C2orf49: variants seen among roughly 807,000 people sequenced by gnomAD.
C2orf49 encodes the protein tRNA-splicing ligase complex subunit ASW.
C2orf49 carries 11 observed loss-of-function variants against 20.6 expected under a neutral mutation model. The ratio of observed to expected loss-of-function variants is 0.53; its 90% CI spans 0.34 to 0.88. The LOEUF (loss-of-function observed/expected upper bound fraction) is 0.88, where lower values mean the gene tolerates loss of function less well. Ranked by LOEUF, C2orf49 falls within the 40% of genes least tolerant of loss-of-function variation. C2orf49 has a pLI of 0.02. For missense variants in C2orf49, 289 were observed against 274.2 expected (o/e 1.05, Z -0.38); for synonymous variants, 134 against 108.5 (o/e 1.24, Z -1.46).
At chr2:105,361,182 AAT>A in the C2orf49 span, 2 of 1,216,252 alleles carry the variant, frequency 1.6e-6, no homozygotes, top group African/African-American at 3.0e-5. Flanking sequence ...AGAAAGTCTC[AAT>A]GTGGCTGGAA....
At chr2:105,363,182 A>T in the C2orf49 span, 1 of 1,065,050 alleles carries the variant, frequency 9.4e-7, no homozygotes, top group South Asian at 1.5e-5. Context: ...AGCCTTAGGG[A>T]GGTCTGGGGA....
At chr2:105,353,581 T>G (rs1194451186), downstream of C2orf49, among the ~76,000 whole-genome samples, 1 of 152,148 alleles carries the variant, frequency 6.6e-6, no homozygotes, top group African/African-American at 2.4e-5. Flanking sequence ...GAGTCAAGAT[T>G]TCTGATTTCT....
the C2orf49 span, among the ~76,000 whole-genome samples, chr2:105,371,277 C>T: frequency 6.6e-6 from 1 of 152,092 alleles, no homozygotes; most frequent in Admixed American, 6.5e-5. Context: ...GCTTCGAGTG[C>T]AGCACGTTAC....
At position 105,342,900 on chromosome 2, in the gene C2orf49, A is replaced by C; in HGVS notation, c.319A>C (p.Ser107Arg). The change falls in exon 3 of 4, where the codon AGT becomes CGT. Residue 107 changes from serine to arginine, a missense_variant. By Grantham distance (110) the Ser-to-Arg change is moderately radical. Transcript: ENST00000258457. ...AAGACCCCTCATCGTATTTGATGGA[A>C]GTTCAACAAGTACAAGCATAAAAGT... is the stretch of plus-strand genomic sequence containing the variant. Reference protein sequence around the residue: ...RKRPLIVFDGSSTSTSIKVKK... With the variant: ...RKRPLIVFDGRSTSTSIKVKK... 6.2e-7 allele frequency: 1 copy of C among 1,614,168 alleles called. No homozygotes were observed. Among genetic ancestry groups the C allele is most frequent in the Non-Finnish European group, 8.5e-7 (1 of 1,179,992 alleles).
At chr2:105,361,173 G>T in the C2orf49 span, 1 of 1,112,650 alleles carries the variant, frequency 9.0e-7, no homozygotes. Context: ...AGCACTAGAA[G>T]AAAGTCTCAA....
the C2orf49 span, among the ~76,000 whole-genome samples, chr2:105,370,801 C>A: frequency 6.6e-6 from 1 of 152,134 alleles, no homozygotes; most frequent in African/African-American, 2.4e-5. Context: ...GGTGCCCAGT[C>A]CGTTTCTTCT....
chr2:105,342,860 A>G lies in C2orf49; in HGVS notation c.279A>G (p.Val93=). ...TCTTTGATTTCAGGAGTAGCACTGT[A>G]GATGGGTTAAGGAAAAGACCCCTCA... ...IKNETKRSST[V]DGLRKRPLIV... is the part of the protein sequence containing the mutation. The change falls in exon 3 of 4, where the codon GTA becomes GTG. Residue 93 remains valine (V), a synonymous_variant. Transcript: ENST00000258457. The G allele has an allele frequency of 6.2e-7, 1 of 1,613,244 alleles. No homozygotes were observed. The highest frequency in any genetic ancestry group is 8.5e-7 in the Non-Finnish European group (1 of 1,179,262).
At chr2:105,385,400 G>A in the C2orf49 span, among the ~76,000 whole-genome samples, 6 of 152,198 alleles carry the variant, frequency 3.9e-5, no homozygotes, top group Non-Finnish European at 8.8e-5. Context: ...AAGTCAATCA[G>A]TCAGCGGCAA....
At chr2:105,384,363 C>T in the C2orf49 span, among the ~76,000 whole-genome samples, 3 of 152,178 alleles carry the variant, frequency 2.0e-5, no homozygotes, top group South Asian at 2.1e-4. Flanking sequence ...GGACGTGTCA[C>T]GAAAAGAATA....
At chr2:105,355,770 T>TTGTGTG in the C2orf49 span, among the ~76,000 whole-genome samples, 1,506 of 143,166 alleles carry the variant, frequency 0.011, 20 homozygotes, top group South Asian at 0.025. Context: ...AGAAAAAATT[T>TTGTGTG]TGTGTGTGTG....
At chr2:105,367,653 T>A in the C2orf49 span, 10 of 1,614,226 alleles carry the variant, frequency 6.2e-6, no homozygotes, top group Non-Finnish European at 8.5e-6. Context: ...GGGATGAAAC[T>A]CTTGGTTCCA....
At chr2:105,371,866 G>A in the C2orf49 span, among the ~76,000 whole-genome samples, 2 of 152,170 alleles carry the variant, frequency 1.3e-5, no homozygotes, top group African/African-American at 4.8e-5. Flanking sequence ...GTGACTCCCT[G>A]TGGGGCAGGA....
chr2:105,339,019 G>C (rs955005678), intron 1 of C2orf49, among the ~76,000 whole-genome samples: 3 of 152,220 alleles, frequency 2.0e-5, no homozygotes, highest in African/African-American at 7.2e-5. Context: ...TGGGGTGCAG[G>C]CTTTTCTAAT....
At chr2:105,364,775 A>C in the C2orf49 span, among the ~76,000 whole-genome samples, 1 of 152,224 alleles carries the variant, frequency 6.6e-6, no homozygotes, top group South Asian at 2.1e-4. Context: ...GAAGTAGGAA[A>C]GATATTATCT....
downstream of C2orf49, among the ~76,000 whole-genome samples, chr2:105,352,756 C>T (rs1679968215): frequency 6.6e-6 from 1 of 152,012 alleles, no homozygotes; most frequent in African/African-American, 2.4e-5. Flanking sequence ...GTCTTTTCTT[C>T]TTCTTAATCC....
At chr2:105,380,414 G>A in the C2orf49 span, among the ~76,000 whole-genome samples, 1 of 152,104 alleles carries the variant, frequency 6.6e-6, no homozygotes. Context: ...TCTGTTTAGA[G>A]ACAGGGGTCT....
the C2orf49 span, among the ~76,000 whole-genome samples, chr2:105,383,441 A>G: frequency 6.6e-6 from 1 of 152,244 alleles, no homozygotes; most frequent in Non-Finnish European, 1.5e-5. Flanking sequence ...TAATAGAAAT[A>G]AAGATTACAA....
At chr2:105,342,765 A>T in intron 2 of C2orf49, 83 bp from the exon 3 acceptor site, 1 of 1,404,618 alleles carries the variant, frequency 7.1e-7, no homozygotes, top group Non-Finnish European at 9.6e-7. Context: ...CTTTTTGTTT[A>T]CTGCTTATTT....
At chr2:105,381,447 G>C in the C2orf49 span, among the ~76,000 whole-genome samples, 1 of 152,104 alleles carries the variant, frequency 6.6e-6, no homozygotes, top group Non-Finnish European at 1.5e-5. Flanking sequence ...TGTCCCCTTC[G>C]CGCAGCTTGT....
Sources: gnomAD v4.1 joint callset for allele counts (sites outside exome capture counted in the v4.1 genomes callset) on GRCh38, gnomAD v4.1.1 for gene constraint, MANE v1.5 for transcripts, NCBI Gene and HGNC (gene_info 2026-07-23, HGNC 2026-07-21) for gene names.